The following CASK variants were observed in gnomAD, a reference collection of about 807,000 sequenced individuals.
The protein encoded by CASK is calcium/calmodulin dependent serine protein kinase.
In CASK, 4 loss-of-function variants were observed where a neutral mutation model predicts 82.9. That is an observed-to-expected ratio of 0.05 (90% CI 0.02 to 0.11). CASK has a LOEUF of 0.11. Ranked by LOEUF, CASK falls within the 10% of genes least tolerant of loss-of-function variation. The pLI, the probability that CASK is intolerant of heterozygous loss-of-function variation, is 1.00. For synonymous variants in CASK, 259 were observed against 253.5 expected (o/e 1.02, Z -0.20); for missense variants, 358 against 720.9 (o/e 0.50, Z 5.76).
intron 2 of CASK, among the ~76,000 whole-genome samples, chrX:41,809,087 C>T (rs958802526): frequency 1.5e-4 from 17 of 112,322 alleles, no homozygotes; most frequent in Non-Finnish European, 3.2e-4. Flanking sequence ...AACAAAGCGG[C>T]CAGGAAGCTC....
chrX:41,879,932 T>A (rs2071915518), intron 1 of CASK, among the ~76,000 whole-genome samples: 1 of 112,367 alleles, frequency 8.9e-6, no homozygotes, highest in Non-Finnish European at 1.9e-5. Flanking sequence ...ACATATACTA[T>A]GCCCATGCAT....
At chrX:41,815,076 G>T (rs945632623) in intron 2 of CASK, among the ~76,000 whole-genome samples, 5 of 110,940 alleles carry the variant, frequency 4.5e-5, no homozygotes, top group African/African-American at 1.6e-4. Flanking sequence ...GAGGGAGATG[G>T]AATGTTCAGG....
chrX:41,728,245 A>G (rs1310836087), intron 5 of CASK: 1 of 304,911 alleles, frequency 3.3e-6, no homozygotes, highest in Admixed American at 5.9e-5. Context: ...TTCAGAAGCA[A>G]AAATTAAGCA....
At chrX:41,921,079 G>A (rs1288621644) in intron 1 of CASK, among the ~76,000 whole-genome samples, 2 of 111,850 alleles carry the variant, frequency 1.8e-5, no homozygotes, top group African/African-American at 3.3e-5. Flanking sequence ...CACCTGAAAC[G>A]TGGCTGGTCC....
chrX:41,614,547 A>T, intron 11 of CASK, among the ~76,000 whole-genome samples: 1 of 103,606 alleles, frequency 9.7e-6, no homozygotes, highest in African/African-American at 3.6e-5. Flanking sequence ...TTTGAGATAG[A>T]GTCTCGTTCT....
chrX:41,653,356 A>G (rs764723920), intron 8 of CASK, among the ~76,000 whole-genome samples: 2 of 112,226 alleles, frequency 1.8e-5, no homozygotes, highest in African/African-American at 3.2e-5. Context: ...TGCTAAAGGT[A>G]AAAGTTACCA....
chrX:41,532,125 G>T (rs376052732), intron 24 of CASK, among the ~76,000 whole-genome samples: 2 of 110,899 alleles, frequency 1.8e-5, no homozygotes, highest in East Asian at 5.7e-4. Flanking sequence ...CAACAGAGAC[G>T]GGGTTTCACC....
intron 2 of CASK, among the ~76,000 whole-genome samples, chrX:41,809,637 G>A (rs2070225551): frequency 8.9e-6 from 1 of 111,811 alleles, no homozygotes; most frequent in Non-Finnish European, 1.9e-5. Flanking sequence ...CAAAGATAGG[G>A]AAAAAACAGA....
At chrX:41,588,922 A>C (rs1296072460) in intron 13 of CASK, among the ~76,000 whole-genome samples, 1 of 111,924 alleles carries the variant, frequency 8.9e-6, no homozygotes, top group Admixed American at 9.5e-5. Context: ...GATTACAACT[A>C]TAAAAAAATT....
chrX:41,786,391 CTT>C (rs748392522), intron 3 of CASK, among the ~76,000 whole-genome samples: 3 of 95,137 alleles, frequency 3.2e-5, no homozygotes, highest in Non-Finnish European at 6.4e-5. Context: ...TGATTACAAC[CTT>C]TTTTTTTTTT....
intron 12 of CASK, among the ~76,000 whole-genome samples, chrX:41,602,511 T>C (rs756210695): frequency 1.8e-5 from 2 of 111,271 alleles, no homozygotes; most frequent in African/African-American, 6.5e-5. Context: ...TAGTATTTTC[T>C]ACATGCAAGA....
At chrX:41,811,720 G>A (rs1239156207) in intron 2 of CASK, among the ~76,000 whole-genome samples, 3 of 107,575 alleles carry the variant, frequency 2.8e-5, no homozygotes, top group African/African-American at 6.8e-5. Context: ...CTAGCAGAAG[G>A]CAAAAAATAA....
At chrX:41,914,872 A>C (rs2072644150) in intron 1 of CASK, among the ~76,000 whole-genome samples, 2 of 112,202 alleles carry the variant, frequency 1.8e-5, no homozygotes, top group African/African-American at 6.5e-5. Context: ...GTTCTGAGAT[A>C]GATTTACAGA....
chrX:41,542,924 C>G (rs915944664), intron 21 of CASK, 118 bp from the exon 22 acceptor site: 4 of 472,544 alleles, frequency 8.5e-6, no homozygotes, highest in Admixed American at 4.0e-5. Flanking sequence ...TCATCCTAAT[C>G]TTTTAAAAAA....
chrX:41,571,410 T>G (rs1479902138), intron 15 of CASK, among the ~76,000 whole-genome samples: 1 of 111,458 alleles, frequency 9.0e-6, no homozygotes, highest in Non-Finnish European at 1.9e-5. Flanking sequence ...CCCAGGGAAT[T>G]TTTCCATTTT....
intron 2 of CASK, among the ~76,000 whole-genome samples, chrX:41,829,332 T>A (rs965206043): frequency 4.5e-5 from 5 of 110,370 alleles, no homozygotes; most frequent in African/African-American, 1.6e-4. Flanking sequence ...AAACTTCATA[T>A]ATTAGTTACA....
At chrX:41,851,004 T>C (rs1481077847) in intron 2 of CASK, among the ~76,000 whole-genome samples, 2 of 111,743 alleles carry the variant, frequency 1.8e-5, no homozygotes, top group Non-Finnish European at 3.8e-5. Context: ...GTTTCCTAAC[T>C]TTATACTGAG....
chrX:41,570,236 T>A (rs2065393368), intron 15 of CASK, among the ~76,000 whole-genome samples: 1 of 110,321 alleles, frequency 9.1e-6, no homozygotes, highest in South Asian at 3.8e-4. Context: ...CAGGCTGTTT[T>A]CAAACTGCCG....
rs373704509 is a variant in CASK at position 41,696,152 on chromosome X, T to C, written c.430-24622A>G. On this transcript the variant is annotated intron_variant, in intron 5 of 26. Transcript: ENST00000378163. The stretch of plus-strand genomic sequence containing the variant: ...CAATAACAACCAAACAAAGTATTTA[T>C]GTCTGTTGTATAGTATGGATGCTTG... 63 of 1,206,576 alleles carry C rather than the reference T, an allele frequency of 5.2e-5. 1 individual carries two copies. The highest frequency in any genetic ancestry group is 4.4e-4 in the African/African-American group (25 of 57,121).
Sources: allele counts gnomAD v4.1 joint callset (sites outside exome capture counted in the v4.1 genomes callset), GRCh38; gene constraint gnomAD v4.1.1; transcripts MANE v1.5; gene names NCBI Gene and HGNC (gene_info 2026-07-23, HGNC 2026-07-21).